Variants in PAK5 observed in about 807,000 individuals in gnomAD.
The protein encoded by PAK5 is serine/threonine-protein kinase PAK 5.
PAK5 carries 16 observed loss-of-function variants against 65.9 expected under a neutral mutation model. The observed-to-expected ratio is 0.24, with a 90% CI of 0.16 to 0.37. PAK5 has a LOEUF of 0.37. Among genes scored for constraint, PAK5 ranks in the 10% least tolerant of loss-of-function variants. PAK5 has a pLI of 1.00. For synonymous variants in PAK5, 371 were observed against 354.9 expected (o/e 1.05, Z -0.51); for missense variants, 785 against 903.9 (o/e 0.87, Z 1.69).
chr20:9,816,380 A>C (rs1285791121), intron 1 of PAK5, among the ~76,000 whole-genome samples: 1 of 152,204 alleles, frequency 6.6e-6, no homozygotes, highest in Non-Finnish European at 1.5e-5. Context: ...GGATCGCAGA[A>C]TGCCCACATA....
intron 2 of PAK5, among the ~76,000 whole-genome samples, chr20:9,699,891 G>T (rs568177363): frequency 6.6e-6 from 1 of 152,076 alleles, no homozygotes; most frequent in Non-Finnish European, 1.5e-5. Flanking sequence ...TATGGCAAAT[G>T]GGGATACTTA....
rs75324975 is a variant in PAK5 at position 9,607,168 on chromosome 20, G to A, written c.205-26238C>T. Reference sequence around the variant, plus strand: ...GTTCGACTGAGTGATCAGAGTGAGCGCCGCCAGCCATGAAACACACTGAAT... The same window carrying A: ...GTTCGACTGAGTGATCAGAGTGAGCACCGCCAGCCATGAAACACACTGAAT... On this transcript the variant is annotated intron_variant, in intron 3 of 9. Coordinates refer to ENST00000353224, the MANE Select transcript of PAK5 (RefSeq NM_177990.4). Among the ~76,000 whole-genome samples the A allele has an allele frequency of 8.1e-4, 124 of 152,234 alleles. No individual in the cohort carries two copies. In the East Asian group the frequency reaches 9.9e-3, roughly 12 times the overall value.
In PAK5 at chr20:9,611,366, G is replaced by A. The variant is rs540896031; in HGVS notation, c.205-30436C>T. Among the ~76,000 whole-genome samples the A allele has an allele frequency of 8.5e-5, 13 of 152,318 alleles. No individual in the cohort carries two copies. In the South Asian group the frequency reaches 1.0e-3, roughly 12 times the overall value. ...GCCCCCACCCAAACTGCCATTCCAG[G>A]AAGGGGATAACGGCCTTATTATCAG... is the stretch of plus-strand genomic sequence containing the variant. On this transcript the variant is annotated intron_variant, in intron 3 of 9. Coordinates refer to ENST00000353224, the MANE Select transcript of PAK5 (RefSeq NM_177990.4).
At chr20:9,745,261 C>T (rs543956760) in intron 1 of PAK5, among the ~76,000 whole-genome samples, 1 of 152,002 alleles carries the variant, frequency 6.6e-6, no homozygotes, top group East Asian at 1.9e-4. Flanking sequence ...GAAAATGGTG[C>T]ATTTATCTTT....
intron 2 of PAK5, among the ~76,000 whole-genome samples, chr20:9,682,378 A>AAACAAAC (rs2047662542): frequency 1.7e-5 from 2 of 120,176 alleles, no homozygotes; most frequent in East Asian, 2.7e-4. Context: ...AACAAACAAA[A>AAACAAAC]AAACCTACTA....
intron 4 of PAK5, among the ~76,000 whole-genome samples, chr20:9,570,548 G>T (rs1303005445): frequency 6.6e-6 from 1 of 152,198 alleles, no homozygotes; most frequent in Non-Finnish European, 1.5e-5. Flanking sequence ...AGAGAGAAGT[G>T]TCAGTGTAAG....
At chr20:9,802,051 T>A (rs1257842329) in intron 1 of PAK5, among the ~76,000 whole-genome samples, 1 of 152,168 alleles carries the variant, frequency 6.6e-6, no homozygotes, top group African/African-American at 2.4e-5. Flanking sequence ...AAATGCTTCT[T>A]AGGACAGTCA....
chr20:9,770,794 T>G (rs1222090419), intron 1 of PAK5, among the ~76,000 whole-genome samples: 2 of 151,704 alleles, frequency 1.3e-5, no homozygotes, highest in South Asian at 4.2e-4. Context: ...ATCGTTGGAG[T>G]TGAGGCCCTA....
chr20:9,833,165 T>C (rs963325907), intron 1 of PAK5, among the ~76,000 whole-genome samples: 2 of 152,204 alleles, frequency 1.3e-5, no homozygotes, highest in Middle Eastern at 3.2e-3. Flanking sequence ...CAGAGGTTCT[T>C]AGTTGAATGC....
chr20:9,828,822 A>T (rs1380120027), intron 1 of PAK5, among the ~76,000 whole-genome samples: 2 of 152,152 alleles, frequency 1.3e-5, no homozygotes, highest in Non-Finnish European at 2.9e-5. Context: ...CAAAGGTGGG[A>T]GTTTCTCTCT....
rs2297345 is a variant in PAK5 at position 9,562,975 on chromosome 20, C to T, written c.1532G>A (p.Ser511Asn). The stretch of plus-strand genomic sequence containing the variant: ...GAGCTCATCGCCGACAAGGTAGCTG[C>T]TGTACATGTCAACCACATTGTCATG... ...YHHDNVVDMY[S>N]SYLVGDELWV... The change falls in exon 6 of 10, where the codon AGC (serine) becomes AAC (asparagine). Residue 511 changes from serine to asparagine, a missense_variant. Transcript: ENST00000353224. 0.33 allele frequency: 531,128 copies of T among 1,609,848 alleles called. 100,081 individuals carry two copies. Among genetic ancestry groups the T allele is most frequent in the African/African-American group, 0.81 (60,308 of 74,848 alleles).
intron 1 of PAK5, among the ~76,000 whole-genome samples, chr20:9,800,060 T>A (rs1231092169): frequency 6.6e-6 from 1 of 151,916 alleles, no homozygotes; most frequent in Non-Finnish European, 1.5e-5. Context: ...AAGTGTAGAA[T>A]TTATAAGAAG....
intron 2 of PAK5, among the ~76,000 whole-genome samples, chr20:9,663,750 A>T (rs1346895355): frequency 6.6e-6 from 1 of 152,190 alleles, no homozygotes; most frequent in Non-Finnish European, 1.5e-5. Context: ...TGAGAGGGTC[A>T]GTTTTAAAAT....
intron 1 of PAK5, among the ~76,000 whole-genome samples, chr20:9,750,474 T>C (rs1042652232): frequency 6.6e-6 from 1 of 152,152 alleles, no homozygotes; most frequent in Admixed American, 6.6e-5. Context: ...GCAACATAAT[T>C]GTATAAAGCA....
intron 3 of PAK5, among the ~76,000 whole-genome samples, chr20:9,623,128 A>T (rs1197137722): frequency 6.6e-6 from 1 of 152,232 alleles, no homozygotes; most frequent in Non-Finnish European, 1.5e-5. Flanking sequence ...GGAGAAAGGG[A>T]AGAAGAGGAA....
intron 1 of PAK5, among the ~76,000 whole-genome samples, chr20:9,833,548 T>G (rs998603524): frequency 1.4e-5 from 2 of 146,276 alleles, no homozygotes; most frequent in African/African-American, 5.1e-5. Flanking sequence ...AGAACTCCAC[T>G]CTCCACACCA....
intron 1 of PAK5, among the ~76,000 whole-genome samples, chr20:9,789,841 A>C (rs1030770932): frequency 2.0e-5 from 3 of 152,140 alleles, no homozygotes; most frequent in African/African-American, 7.2e-5. Context: ...ATGGGTTGGC[A>C]TCAGTCAAAA....
intron 1 of PAK5, among the ~76,000 whole-genome samples, chr20:9,800,152 G>T (rs1178186998): frequency 6.6e-6 from 1 of 151,950 alleles, no homozygotes; most frequent in Non-Finnish European, 1.5e-5. Flanking sequence ...CTTAGCCAAG[G>T]TTGAATGATA....
At chr20:9,549,106 G>A (rs931261121) in intron 7 of PAK5, among the ~76,000 whole-genome samples, 4 of 152,118 alleles carry the variant, frequency 2.6e-5, no homozygotes, top group South Asian at 4.1e-4. Context: ...AAGAGGAGTC[G>A]ATAATGCACA....
Sources: gnomAD v4.1 joint callset for allele counts (sites outside exome capture counted in the v4.1 genomes callset) on GRCh38, gnomAD v4.1.1 for gene constraint, MANE v1.5 for transcripts, NCBI Gene and HGNC (gene_info 2026-07-23, HGNC 2026-07-21) for gene names.